HKDC1: variants seen among roughly 807,000 people sequenced by gnomAD.
The protein encoded by HKDC1 is hexokinase HKDC1.
In HKDC1, 66 loss-of-function variants were observed where a neutral mutation model predicts 96.6. The observed-to-expected ratio is 0.68, with a 90% CI of 0.56 to 0.84. The LOEUF (loss-of-function observed/expected upper bound fraction) is 0.84. Ranked by LOEUF, HKDC1 falls within the 40% of genes least tolerant of loss-of-function variation. The pLI is 0.00. For missense variants in HKDC1, 1,211 were observed against 1,208.1 expected (o/e 1.00, Z -0.04); for synonymous variants, 466 against 473.1 (o/e 0.98, Z 0.20).
At chr10:69,249,825 G>A (rs11814510) in intron 10 of HKDC1, among the ~76,000 whole-genome samples, 1 of 152,196 alleles carries the variant, frequency 6.6e-6, no homozygotes, top group African/African-American at 2.4e-5. Flanking sequence ...TAAGAATCAT[G>A]CATTTCCTTG....
intron 6 of HKDC1, among the ~76,000 whole-genome samples, chr10:69,241,295 G>A (rs1843453866): frequency 6.6e-6 from 1 of 152,064 alleles, no homozygotes; most frequent in Non-Finnish European, 1.5e-5. Context: ...CCCTATAGCC[G>A]AGTGGTGTCC....
At chr10:69,242,047 T>C (rs1290785199) in intron 6 of HKDC1, among the ~76,000 whole-genome samples, 1 of 152,214 alleles carries the variant, frequency 6.6e-6, no homozygotes, top group African/African-American at 2.4e-5. Flanking sequence ...TATAGGTTGT[T>C]CTTGAATATC....
rs561860560 is a variant in HKDC1, at chr10:69,250,241, C to T, written c.1571-49C>T. 4.4e-5 allele frequency: 69 copies of T among 1,581,338 alleles called. No homozygotes were observed. The South Asian group carries it at 5.9e-4, about 13-fold the overall frequency. ...ACGTCTCCTCTTCCTCCCAATGCCCCGACACAAGTCCCTGTCATGGAATGC... is the reference window on the plus strand; with the variant it reads ...ACGTCTCCTCTTCCTCCCAATGCCCTGACACAAGTCCCTGTCATGGAATGC... On this transcript the variant is annotated intron_variant, in intron 10 of 17. Transcript: ENST00000354624.
At position 69,266,885 on chromosome 10, in the gene HKDC1, C is replaced by G. The variant is rs1843910029; in HGVS notation, c.*128C>G. The G allele has an allele frequency of 3.5e-6, 3 of 865,810 alleles. No individual in the cohort carries two copies. 53.6% of individuals were successfully genotyped at this position (865,810 alleles called of 1,614,324 possible). On this transcript the variant is annotated 3_prime_UTR_variant, in exon 18 of 18. Coordinates refer to ENST00000354624, the MANE Select transcript of HKDC1 (RefSeq NM_025130.4). ...CCTTCTGGATGGCCGAAAGAGAACCCCAGGTTCTCGGGTACTCTTAGTATC... is the reference window on the plus strand; with the variant it reads ...CCTTCTGGATGGCCGAAAGAGAACCGCAGGTTCTCGGGTACTCTTAGTATC...
chr10:69,256,910 G>A, intron 12 of HKDC1, 126 bp from the exon 13 acceptor site: 1 of 699,670 alleles, frequency 1.4e-6, no homozygotes, highest in African/African-American at 1.7e-5. Context: ...GGAGGTGGAG[G>A]CATAGTCAAA....
chr10:69,229,730 A>G (rs1843221884), intron 2 of HKDC1, among the ~76,000 whole-genome samples: 1 of 152,142 alleles, frequency 6.6e-6, no homozygotes, highest in South Asian at 2.1e-4. Context: ...TTAGCCGGGA[A>G]GACGCCCAGC....
intron 4 of HKDC1, 122 bp from the exon 5 acceptor site, chr10:69,238,920 G>T: frequency 1.7e-6 from 1 of 579,768 alleles, no homozygotes. Flanking sequence ...TAAAAAAATT[G>T]GGGTGATTCA....
rs138845753 is a variant in HKDC1, at chr10:69,250,323, G to T, written c.1604G>T (p.Gly535Val). 1.3e-5 allele frequency: 21 copies of T among 1,613,968 alleles called. No individual in the cohort carries two copies. In the African/African-American group the frequency reaches 2.8e-4, roughly 22 times the overall value. The change falls in exon 11 of 18, where the codon GGA (glycine) becomes GTA (valine). Residue 535 changes from glycine (G) to valine (V), a missense_variant. Physicochemically the swap from Gly to Val is moderately radical, Grantham distance 109. Coordinates refer to ENST00000354624, the MANE Select transcript of HKDC1 (RefSeq NM_025130.4). ...AAGTTTCTCGCCCTGGATCTTGGGG[G>T]AACCAACTTCCGGGTCCTCCTGGTG... The part of the protein sequence containing the change: ...KGKFLALDLG[G>V]TNFRVLLVKI...
intron 2 of HKDC1, among the ~76,000 whole-genome samples, chr10:69,228,576 C>T (rs141892319): frequency 1.5e-3 from 222 of 152,252 alleles, no homozygotes; most frequent in African/African-American, 5.1e-3. Flanking sequence ...GGGAAAAGGG[C>T]TGCTACTGGC....
intron 2 of HKDC1, 45 bp from the exon 3 acceptor site, chr10:69,232,719 G>A: frequency 6.3e-7 from 1 of 1,575,314 alleles, no homozygotes; most frequent in Non-Finnish European, 8.7e-7. Context: ...TGCCATATCT[G>A]TAGTAGACCC....
At chr10:69,231,439 A>G (rs1411383767) in intron 2 of HKDC1, among the ~76,000 whole-genome samples, 1 of 152,036 alleles carries the variant, frequency 6.6e-6, no homozygotes, top group Non-Finnish European at 1.5e-5. Flanking sequence ...ACTCACTCTT[A>G]GCGGATGCTT....
rs761277627 is a variant in HKDC1, at chr10:69,258,890, G to A, written c.2147G>A (p.Cys716Tyr). The change falls in exon 15 of 18, where the codon TGC (cysteine) becomes TAC (tyrosine). Residue 716 changes from cysteine to tyrosine, a missense_variant. Coordinates refer to ENST00000354624, the MANE Select transcript of HKDC1 (RefSeq NM_025130.4). ...TEWGGFGDNG[C>Y]IDDIWTRYDT... is the part of the protein sequence containing the mutation. The stretch of plus-strand genomic sequence containing the variant: ...TGGGGAGGATTTGGAGACAATGGCT[G>A]CATAGATGACATCTGGACCCGATAC... 1 of 1,611,802 alleles carries A rather than the reference G, an allele frequency of 6.2e-7. No individual in the cohort carries two copies. The highest frequency in any genetic ancestry group is 1.1e-5 in the South Asian group (1 of 90,514).
chr10:69,262,461 C>T (rs1480670234), intron 16 of HKDC1, among the ~76,000 whole-genome samples: 1 of 151,856 alleles, frequency 6.6e-6, no homozygotes, highest in Non-Finnish European at 1.5e-5. Flanking sequence ...CAGTTATGTA[C>T]AAATGTGTCA....
At chr10:69,236,883 C>T (rs557039743) in intron 4 of HKDC1, among the ~76,000 whole-genome samples, 2 of 152,170 alleles carry the variant, frequency 1.3e-5, no homozygotes, top group Admixed American at 6.5e-5. Context: ...CGCAAACTGC[C>T]TTTCAATAAA....
intron 12 of HKDC1, among the ~76,000 whole-genome samples, chr10:69,252,108 C>T (rs1390645290): frequency 1.3e-5 from 2 of 152,194 alleles, no homozygotes; most frequent in Non-Finnish European, 2.9e-5. Flanking sequence ...CAATTGATCA[C>T]ATGGCCACTT....
intron 4 of HKDC1, among the ~76,000 whole-genome samples, chr10:69,235,331 A>G (rs1360628238): frequency 6.6e-6 from 1 of 151,518 alleles, no homozygotes; most frequent in Non-Finnish European, 1.5e-5. Flanking sequence ...CTGAGGCAGG[A>G]GAATCACTTG....
chr10:69,226,047 CCT>C (rs1314185469), intron 1 of HKDC1: 1 of 152,080 alleles, frequency 6.6e-6, no homozygotes, highest in African/African-American at 2.4e-5. Flanking sequence ...TGCATATGCC[CCT>C]GTCTCTCCTC....
intron 9 of HKDC1, 87 bp downstream of exon 9, chr10:69,247,680 G>C: frequency 1.9e-6 from 2 of 1,071,352 alleles, no homozygotes; most frequent in Non-Finnish European, 2.7e-6. Context: ...TGCCTATCTG[G>C]GGTCTGGAAC....
chr10:69,228,736 T>C (rs1589402659), intron 2 of HKDC1, among the ~76,000 whole-genome samples: 1 of 152,120 alleles, frequency 6.6e-6, no homozygotes, highest in East Asian at 1.9e-4. Context: ...TGTGATGGCA[T>C]GCACCTGTAA....
Sources: allele counts gnomAD v4.1 joint callset (sites outside exome capture counted in the v4.1 genomes callset), GRCh38; gene constraint gnomAD v4.1.1; transcripts MANE v1.5; gene names NCBI Gene and HGNC (gene_info 2026-07-23, HGNC 2026-07-21).